Variants in STK3 observed in about 807,000 individuals in gnomAD.
STK3 encodes the protein serine/threonine kinase 3, also known as serine/threonine-protein kinase 3.
A neutral mutation model predicts 58.0 loss-of-function variants in STK3; 41 were observed. The observed-to-expected ratio is 0.71, with a 90% CI of 0.55 to 0.92. The LOEUF is 0.92. Ranked by LOEUF, STK3 falls within the 40% of genes least tolerant of loss-of-function variation. The pLI, the probability that STK3 is intolerant of heterozygous loss-of-function variation, is 0.00. For synonymous variants in STK3, 170 were observed against 191.0 expected, an observed-to-expected ratio of 0.89 and a Z score of 0.91; for missense variants, 479 against 602.7, an observed-to-expected ratio of 0.79 and a Z score of 2.15.
intron 6 of STK3, among the ~76,000 whole-genome samples, chr8:98,655,020 T>C (rs1821357397): frequency 6.6e-6 from 1 of 151,660 alleles, no homozygotes; most frequent in Non-Finnish European, 1.5e-5. Context: ...AGAGCCCGCA[T>C]TGCCAAGTCA....
intron 1 of STK3, among the ~76,000 whole-genome samples, chr8:98,884,316 T>C (rs902169564): frequency 2.6e-5 from 4 of 152,210 alleles, no homozygotes; most frequent in Admixed American, 1.3e-4. Flanking sequence ...TCTGGGCACT[T>C]ACTCAGGGAG....
intron 6 of STK3, among the ~76,000 whole-genome samples, chr8:98,607,800 AAC>A (rs1816890383): frequency 6.6e-6 from 1 of 152,214 alleles, no homozygotes; most frequent in Admixed American, 6.5e-5. Context: ...ACATCATGGA[AAC>A]ACAGATGGTT....
At chr8:98,858,686 G>A (rs547330239) in intron 3 of STK3, among the ~76,000 whole-genome samples, 16 of 151,860 alleles carry the variant, frequency 1.1e-4, no homozygotes, top group African/African-American at 3.1e-4. Flanking sequence ...AAGGTCAAGC[G>A]ATCAAGACCA....
chr8:98,768,327 A>G (rs1831071722), intron 2 of STK3, among the ~76,000 whole-genome samples: 1 of 152,254 alleles, frequency 6.6e-6, no homozygotes, highest in Non-Finnish European at 1.5e-5. Flanking sequence ...GAAGAGAAAC[A>G]AGAGCAAGCC....
intron 6 of STK3, among the ~76,000 whole-genome samples, chr8:98,665,590 T>A (rs141028282): frequency 3.1e-4 from 47 of 152,192 alleles, no homozygotes; most frequent in African/African-American, 1.0e-3. Context: ...AGACAAGGTC[T>A]CACTATGTTG....
chr8:98,527,799 C>T (rs1286826295), intron 9 of STK3, among the ~76,000 whole-genome samples: 1 of 152,162 alleles, frequency 6.6e-6, no homozygotes, highest in Non-Finnish European at 1.5e-5. Context: ...CCCAACACTA[C>T]TTCTCTAGCC....
intron 1 of STK3, among the ~76,000 whole-genome samples, chr8:98,824,037 T>C (rs1587709422): frequency 6.6e-6 from 1 of 152,332 alleles, no homozygotes; most frequent in East Asian, 1.9e-4. Flanking sequence ...TATAATCCAA[T>C]CTACTCCATA....
At chr8:98,622,453 C>A (rs1319088220) in intron 6 of STK3, among the ~76,000 whole-genome samples, 1 of 152,000 alleles carries the variant, frequency 6.6e-6, no homozygotes, top group African/African-American at 2.4e-5. Context: ...TACAGCTTCC[C>A]AAAGCAATCT....
At chr8:98,875,197 C>T (rs1344473359) in intron 3 of STK3, 1 of 152,148 alleles carries the variant, frequency 6.6e-6, no homozygotes. Flanking sequence ...CAGTTGTTTT[C>T]CCATCAATAG....
At chr8:98,625,416 C>T (rs907113282) in intron 6 of STK3, among the ~76,000 whole-genome samples, 1 of 152,122 alleles carries the variant, frequency 6.6e-6, no homozygotes, top group East Asian at 1.9e-4. Flanking sequence ...TCCCACTTCC[C>T]TTTTCCCTCT....
At chr8:98,412,961 G>C in intron 3 of STK3, 1 of 264,824 alleles carries the variant, frequency 3.8e-6, no homozygotes, top group South Asian at 4.1e-5. Flanking sequence ...GGAGCATCTG[G>C]CCTCTCAGGA....
At chr8:98,560,049 T>C (rs990826817) in intron 8 of STK3, among the ~76,000 whole-genome samples, 8 of 152,142 alleles carry the variant, frequency 5.3e-5, no homozygotes, top group Non-Finnish European at 8.8e-5. Context: ...TGATCAGTTA[T>C]CAGTTTATTT....
chr8:98,905,330 G>A (rs1838851577), intron 1 of STK3: 1 of 905,942 alleles, frequency 1.1e-6, no homozygotes, highest in Non-Finnish European at 1.9e-6. Flanking sequence ...AGTGTATGAG[G>A]ACATAATCTT....
chr8:98,904,821 G>C, intron 1 of STK3: 1 of 661,312 alleles, frequency 1.5e-6, no homozygotes, highest in East Asian at 3.8e-5. Flanking sequence ...AGTGGCAGCA[G>C]CACAAGAACT....
chr8:98,787,055 G>GCTA (rs1368343622), intron 1 of STK3, among the ~76,000 whole-genome samples: 1 of 149,740 alleles, frequency 6.7e-6, no homozygotes, highest in East Asian at 2.0e-4. Context: ...TGTAGTCCCA[G>GCTA]CTACTCGGGA....
At chr8:98,753,628 G>A (rs1830115656) in intron 3 of STK3, among the ~76,000 whole-genome samples, 1 of 151,058 alleles carries the variant, frequency 6.6e-6, no homozygotes, top group African/African-American at 2.4e-5. Flanking sequence ...TAAAATAAAA[G>A]TTAAAAATAA....
the STK3 span, among the ~76,000 whole-genome samples, chr8:98,358,072 G>C: frequency 6.6e-6 from 1 of 152,144 alleles, no homozygotes; most frequent in Non-Finnish European, 1.5e-5. Context: ...ATTATTCCAA[G>C]GGCAGAGATG....
rs1181635159 is a variant in STK3 at position 98,767,317 on chromosome 8, T to G, written c.162A>C (p.Ala54=). Residue 54 remains alanine, a synonymous_variant, in exon 3 of 11, where the codon GCA becomes GCC. Coordinates refer to ENST00000419617, the MANE Select transcript of STK3 (RefSeq NM_006281.4). ...CTGATTCAACAGGTACTTGTTTAAT[T>G]GCGACAACTTGACCGGATTCCTTGT... ...AIHKESGQVV[A]IKQVPVESDL... 5.6e-6 allele frequency: 9 copies of G among 1,611,588 alleles called. No individual in the cohort carries two copies.
intron 9 of STK3, among the ~76,000 whole-genome samples, chr8:98,538,567 A>G (rs566720508): frequency 7.9e-5 from 12 of 152,316 alleles, no homozygotes; most frequent in African/African-American, 2.9e-4. Flanking sequence ...AATAGAAGGA[A>G]ACAAAAATTG....
Sources: allele counts gnomAD v4.1 joint callset (sites outside exome capture counted in the v4.1 genomes callset), GRCh38; gene constraint gnomAD v4.1.1; transcripts MANE v1.5; gene names NCBI Gene and HGNC (gene_info 2026-07-23, HGNC 2026-07-21).